RSRC1: variants seen among roughly 807,000 people sequenced by gnomAD.
RSRC1 encodes serine/Arginine-related protein 53.
RSRC1 carries 39 observed loss-of-function variants against 49.1 expected under a neutral mutation model. The ratio of observed to expected loss-of-function variants is 0.79; its 90% CI spans 0.61 to 1.04. The LOEUF (loss-of-function observed/expected upper bound fraction) is 1.04, where lower values mean the gene tolerates loss of function less well. Among genes scored for constraint, RSRC1 ranks in the 50% least tolerant of loss-of-function variants. The pLI, the probability that RSRC1 is intolerant of heterozygous loss-of-function variation, is 0.00. For synonymous variants in RSRC1, 143 were observed against 130.8 expected (o/e 1.09, Z -0.63); for missense variants, 388 against 402.4 (o/e 0.96, Z 0.31).
intron 3 of RSRC1, among the ~76,000 whole-genome samples, chr3:158,144,812 C>T (rs1716978705): frequency 6.6e-6 from 1 of 152,076 alleles, no homozygotes; most frequent in Non-Finnish European, 1.5e-5. Context: ...TCCTGACTTT[C>T]TAATGATCGC....
intron 7 of RSRC1, among the ~76,000 whole-genome samples, chr3:158,484,251 G>C (rs970132276): frequency 2.6e-5 from 4 of 152,056 alleles, no homozygotes; most frequent in African/African-American, 9.7e-5. Context: ...AATGTGATAG[G>C]ATATATGTGG....
intron 6 of RSRC1, among the ~76,000 whole-genome samples, chr3:158,408,762 T>C (rs989393350): frequency 2.0e-5 from 3 of 152,106 alleles, no homozygotes; most frequent in Non-Finnish European, 4.4e-5. Flanking sequence ...CCAGGCGTGG[T>C]GGCTCGTGCC....
At chr3:158,244,008 A>G (rs1271124377) in intron 4 of RSRC1, among the ~76,000 whole-genome samples, 1 of 132,142 alleles carries the variant, frequency 7.6e-6, no homozygotes, top group Non-Finnish European at 1.6e-5. Context: ...AGATAGTTTG[A>G]GTTCCTTTCT....
At chr3:158,480,841 A>G (rs185330317) in intron 7 of RSRC1, among the ~76,000 whole-genome samples, 22 of 152,234 alleles carry the variant, frequency 1.4e-4, no homozygotes, top group African/African-American at 5.1e-4. Flanking sequence ...ATTATCATAA[A>G]GTACTATCCA....
At chr3:158,373,867 C>T (rs545415698) in intron 6 of RSRC1, among the ~76,000 whole-genome samples, 1 of 152,110 alleles carries the variant, frequency 6.6e-6, no homozygotes, top group Admixed American at 6.5e-5. Context: ...CTGGAGTTAA[C>T]ATTCTAAAGT....
chr3:158,194,979 G>T (rs1183503737), intron 3 of RSRC1, among the ~76,000 whole-genome samples: 1 of 152,066 alleles, frequency 6.6e-6, no homozygotes, highest in Non-Finnish European at 1.5e-5. Flanking sequence ...TGTCTTTATA[G>T]CAGCATGATT....
chr3:158,229,395 T>TAC (rs1377891605), intron 4 of RSRC1, among the ~76,000 whole-genome samples: 1 of 23,714 alleles, frequency 4.2e-5, no homozygotes, highest in Admixed American at 4.6e-4. Context: ...TGTATATATA[T>TAC]ACACATACAC....
chr3:158,394,300 C>G (rs1733488113), intron 6 of RSRC1, among the ~76,000 whole-genome samples: 1 of 151,934 alleles, frequency 6.6e-6, no homozygotes, highest in South Asian at 2.1e-4. Flanking sequence ...GAAGTCCTGA[C>G]CCAAGCAATT....
chr3:158,253,851 G>T (rs1047955357), intron 4 of RSRC1, among the ~76,000 whole-genome samples: 1 of 151,996 alleles, frequency 6.6e-6, no homozygotes, highest in Admixed American at 6.6e-5. Context: ...GTGTCATGTT[G>T]GTTTACTGCA....
chr3:158,300,046 G>A (rs1009639984), intron 5 of RSRC1, among the ~76,000 whole-genome samples: 2 of 152,010 alleles, frequency 1.3e-5, no homozygotes, highest in African/African-American at 4.8e-5. Flanking sequence ...AAGAATAATT[G>A]TATATTAATT....
At chr3:158,453,206 C>CTTGTG (rs1737138824) in intron 6 of RSRC1, among the ~76,000 whole-genome samples, 3 of 122,812 alleles carry the variant, frequency 2.4e-5, no homozygotes, top group Admixed American at 2.1e-4. Context: ...TTTTCAAACT[C>CTTGTG]CTGTGCACAC....
intron 3 of RSRC1, among the ~76,000 whole-genome samples, chr3:158,164,387 A>C (rs944857208): frequency 2.0e-5 from 3 of 152,040 alleles, no homozygotes; most frequent in African/African-American, 7.2e-5. Flanking sequence ...ATTCATATAA[A>C]ATTAAATTTG....
chr3:158,453,814 T>C (rs1056370268), intron 6 of RSRC1, among the ~76,000 whole-genome samples: 7 of 152,158 alleles, frequency 4.6e-5, no homozygotes, highest in African/African-American at 1.2e-4. Context: ...TGTATGTGTA[T>C]TTACTTTTTA....
chr3:158,220,364 C>T (rs1335445864), intron 4 of RSRC1, among the ~76,000 whole-genome samples: 1 of 151,572 alleles, frequency 6.6e-6, no homozygotes, highest in East Asian at 2.0e-4. Flanking sequence ...CTCAGTCCAT[C>T]TGTCTGTACT....
intron 3 of RSRC1, among the ~76,000 whole-genome samples, chr3:158,158,371 C>T (rs1415805548): frequency 2.6e-5 from 4 of 152,060 alleles, no homozygotes; most frequent in South Asian, 2.1e-4. Context: ...TGGTCATGCA[C>T]TGGCGGTTGT....
chr3:158,439,837 AG>A (rs1483642132), intron 6 of RSRC1, among the ~76,000 whole-genome samples: 1 of 151,768 alleles, frequency 6.6e-6, no homozygotes, highest in Non-Finnish European at 1.5e-5. Context: ...TAATAAAAAA[AG>A]GTTACAGTGT....
intron 3 of RSRC1, among the ~76,000 whole-genome samples, chr3:158,183,205 A>G (rs765618202): frequency 2.0e-5 from 3 of 152,156 alleles, no homozygotes; most frequent in Non-Finnish European, 2.9e-5. Flanking sequence ...ACTCCAGGTG[A>G]TAGTTTGAGG....
At chr3:158,331,022 G>A (rs1365222964) in intron 5 of RSRC1, among the ~76,000 whole-genome samples, 1 of 152,108 alleles carries the variant, frequency 6.6e-6, no homozygotes, top group African/African-American at 2.4e-5. Context: ...CATGTGCAGG[G>A]GAATTCCCCT....
At chr3:158,207,788 C>G (rs1219851291) in intron 4 of RSRC1, among the ~76,000 whole-genome samples, 1 of 151,762 alleles carries the variant, frequency 6.6e-6, no homozygotes, top group African/African-American at 2.4e-5. Context: ...AAAAACAAAA[C>G]AGGAAAGAAA....
Sources: allele counts gnomAD v4.1 joint callset (sites outside exome capture counted in the v4.1 genomes callset), GRCh38; gene constraint gnomAD v4.1.1; transcripts MANE v1.5; gene names NCBI Gene and HGNC (gene_info 2026-07-23, HGNC 2026-07-21).